CACNB2: variants seen among roughly 807,000 people sequenced by gnomAD.
CACNB2 encodes the protein voltage-dependent L-type calcium channel subunit beta-2.
CACNB2 carries 42 observed loss-of-function variants against 73.3 expected under a neutral mutation model. The ratio of observed to expected loss-of-function variants is 0.57; its 90% CI spans 0.45 to 0.74. CACNB2 has a LOEUF of 0.74. Among genes scored for constraint, CACNB2 ranks in the 30% least tolerant of loss-of-function variants. CACNB2 has a pLI of 0.00. For synonymous variants in CACNB2, 348 were observed against 310.3 expected, an observed-to-expected ratio of 1.12 and a Z score of -1.28; for missense variants, 940 against 853.0, an observed-to-expected ratio of 1.10 and a Z score of -1.27.
At chr10:18,334,429 C>T (rs1292002016) in intron 2 of CACNB2, among the ~76,000 whole-genome samples, 3 of 152,192 alleles carry the variant, frequency 2.0e-5, no homozygotes, top group African/African-American at 7.2e-5. Flanking sequence ...CTCCAGTCTT[C>T]TGTCCTACTT....
intron 2 of CACNB2, among the ~76,000 whole-genome samples, chr10:18,205,016 C>T (rs1208807384): frequency 1.4e-5 from 2 of 147,788 alleles, no homozygotes; most frequent in Admixed American, 1.3e-4. Context: ...ATGCCCAAGA[C>T]TCTATATTCC....
intron 2 of CACNB2, among the ~76,000 whole-genome samples, chr10:18,254,961 C>T (rs2037223573): frequency 6.6e-6 from 1 of 152,162 alleles, no homozygotes; most frequent in South Asian, 2.1e-4. Context: ...CTAATAGATT[C>T]ATTCATTTTC....
intron 2 of CACNB2, among the ~76,000 whole-genome samples, chr10:18,324,867 A>G (rs1197398099): frequency 6.6e-6 from 1 of 151,270 alleles, no homozygotes; most frequent in Non-Finnish European, 1.5e-5. Context: ...CCATGTCAAA[A>G]CAACAACAAC....
chr10:18,343,520 A>G (rs1006991220), intron 2 of CACNB2, among the ~76,000 whole-genome samples: 2 of 152,124 alleles, frequency 1.3e-5, no homozygotes, highest in African/African-American at 4.8e-5. Context: ...ACTTGTGAGA[A>G]TTTTTTAAAA....
chr10:18,267,920 G>C (rs939399353), intron 2 of CACNB2, among the ~76,000 whole-genome samples: 1 of 152,178 alleles, frequency 6.6e-6, no homozygotes, highest in South Asian at 2.1e-4. Flanking sequence ...TCATCACTCT[G>C]TGCCTCAACT....
chr10:18,262,897 A>T (rs1415169904), intron 2 of CACNB2, among the ~76,000 whole-genome samples: 1 of 152,224 alleles, frequency 6.6e-6, no homozygotes, highest in Admixed American at 6.5e-5. Flanking sequence ...AGAAGAGACA[A>T]CATAATCTGG....
intron 2 of CACNB2, among the ~76,000 whole-genome samples, chr10:18,346,433 C>T (rs889543695): frequency 6.6e-5 from 10 of 151,488 alleles, no homozygotes; most frequent in African/African-American, 2.2e-4. Context: ...CCACTGCACC[C>T]GGCCAGAACT....
chr10:18,521,760 T>A (rs1314846328), intron 9 of CACNB2, among the ~76,000 whole-genome samples: 1 of 152,158 alleles, frequency 6.6e-6, no homozygotes, highest in African/African-American at 2.4e-5. Context: ...TAAGAGTAGG[T>A]TATTACAGGG....
intron 3 of CACNB2, among the ~76,000 whole-genome samples, chr10:18,464,418 T>TTAAAAAAAAAAAAAAAAAA (rs1360690647): frequency 0.011 from 977 of 85,068 alleles, 104 homozygotes; most frequent in Non-Finnish European, 0.016. Context: ...TCTCAAAAAT[T>TTAAAAAAAAAAAAAAAAAA]AAAAAAAAAA....
At chr10:18,331,071 C>T (rs1022263419) in intron 2 of CACNB2, among the ~76,000 whole-genome samples, 19 of 149,742 alleles carry the variant, frequency 1.3e-4, no homozygotes, top group Admixed American at 8.7e-4. Flanking sequence ...CTGCAACTTC[C>T]GCCTCCTGGG....
At chr10:18,533,412 C>G (rs1231590482) in intron 10 of CACNB2, 1 of 152,448 alleles carries the variant, frequency 6.6e-6, no homozygotes, top group Non-Finnish European at 1.5e-5. Context: ...GAACTGAATG[C>G]CATTTTCTCG....
chr10:18,441,029 T>A (rs1409079907), intron 3 of CACNB2, among the ~76,000 whole-genome samples: 3 of 152,186 alleles, frequency 2.0e-5, no homozygotes, highest in Non-Finnish European at 4.4e-5. Flanking sequence ...AGCCATGGGA[T>A]TGGGAACCAG....
At chr10:18,382,824 A>G (rs2043073935) in intron 2 of CACNB2, among the ~76,000 whole-genome samples, 1 of 152,100 alleles carries the variant, frequency 6.6e-6, no homozygotes, top group Non-Finnish European at 1.5e-5. Context: ...TGTCTCTCCT[A>G]TTGTGAATAG....
At chr10:18,398,920 A>G (rs913978317) in intron 2 of CACNB2, among the ~76,000 whole-genome samples, 2 of 152,186 alleles carry the variant, frequency 1.3e-5, no homozygotes, top group African/African-American at 4.8e-5. Flanking sequence ...CAAAGTGACT[A>G]TGCAATGTAA....
At chr10:18,502,804 T>C (rs2050279887) in intron 5 of CACNB2, among the ~76,000 whole-genome samples, 2 of 151,052 alleles carry the variant, frequency 1.3e-5, no homozygotes, top group Admixed American at 6.6e-5. Flanking sequence ...TGGGGACTAC[T>C]TGAGGGTGGA....
intron 2 of CACNB2, among the ~76,000 whole-genome samples, chr10:18,253,292 G>C (rs1160629242): frequency 6.6e-6 from 1 of 152,184 alleles, no homozygotes; most frequent in Admixed American, 6.5e-5. Flanking sequence ...AGTAAGGTAA[G>C]TCAGATACTG....
At chr10:18,294,911 T>C (rs79666207) in intron 2 of CACNB2, among the ~76,000 whole-genome samples, 2,096 of 152,320 alleles carry the variant, frequency 0.014, 26 homozygotes, top group South Asian at 0.027. Context: ...AGGAACTTCG[T>C]AAGAAGGTGC....
chr10:18,519,699 TTTTTC>T (rs1468633120), intron 9 of CACNB2: 7 of 455,982 alleles, frequency 1.5e-5, no homozygotes, highest in South Asian at 3.1e-5. Flanking sequence ...GTCTCATTTT[TTTTTC>T]TTTTCTTTAC....
At chr10:18,497,917 A>G (rs543516376) in intron 3 of CACNB2, among the ~76,000 whole-genome samples, 1 of 152,132 alleles carries the variant, frequency 6.6e-6, no homozygotes, top group Non-Finnish European at 1.5e-5. Flanking sequence ...CAATGATTGT[A>G]CCTTTCGGAA....
Sources: allele counts gnomAD v4.1 joint callset (sites outside exome capture counted in the v4.1 genomes callset), GRCh38; gene constraint gnomAD v4.1.1; transcripts MANE v1.5; gene names NCBI Gene and HGNC (gene_info 2026-07-23, HGNC 2026-07-21).